SLC24A2: variants seen among roughly 807,000 people sequenced by gnomAD.
SLC24A2 encodes sodium/potassium/calcium exchanger 2.
SLC24A2 carries 36 observed loss-of-function variants against 62.0 expected under a neutral mutation model. That is an observed-to-expected ratio of 0.58 (90% CI 0.44 to 0.77). SLC24A2 has a LOEUF of 0.77. Among genes scored for constraint, SLC24A2 ranks in the 30% least tolerant of loss-of-function variants. The pLI, the probability that SLC24A2 is intolerant of heterozygous loss-of-function variation, is 0.00. For synonymous variants in SLC24A2, 358 were observed against 294.0 expected (o/e 1.22, Z -2.23); for missense variants, 846 against 817.9 (o/e 1.03, Z -0.42).
chr9:19,761,248 A>G (rs891662380), intron 2 of SLC24A2, among the ~76,000 whole-genome samples: 2 of 151,994 alleles, frequency 1.3e-5, no homozygotes, highest in Non-Finnish European at 2.9e-5. Flanking sequence ...ATCTTCTACA[A>G]TGGTTGAACT....
intron 2 of SLC24A2, among the ~76,000 whole-genome samples, chr9:19,694,904 G>GC (rs1337079182): frequency 5.3e-5 from 8 of 151,928 alleles, no homozygotes; most frequent in African/African-American, 1.9e-4. Flanking sequence ...GCTGTACTAG[G>GC]CCCCTCATCA....
the SLC24A2 span, among the ~76,000 whole-genome samples, chr9:19,846,883 A>C: frequency 8.0e-3 from 1,224 of 152,144 alleles, 25 homozygotes; most frequent in African/African-American, 0.028. Flanking sequence ...AAAATGAGGC[A>C]TGGTGGTGCA....
At chr9:20,102,771 C>A in the SLC24A2 span, among the ~76,000 whole-genome samples, 2 of 152,168 alleles carry the variant, frequency 1.3e-5, no homozygotes, top group East Asian at 3.9e-4. Flanking sequence ...ATGAGCGACA[C>A]AGAAGACGGG....
the SLC24A2 span, among the ~76,000 whole-genome samples, chr9:19,810,042 G>C: frequency 1.3e-5 from 2 of 152,128 alleles, no homozygotes; most frequent in East Asian, 3.9e-4. Flanking sequence ...GGGAAACTCC[G>C]ATCTAGCTCT....
the SLC24A2 span, among the ~76,000 whole-genome samples, chr9:20,132,835 T>C: frequency 1.3e-5 from 2 of 152,166 alleles, no homozygotes; most frequent in African/African-American, 4.8e-5. Flanking sequence ...TCAAAAAATA[T>C]AGCTTTTACT....
intron 2 of SLC24A2, among the ~76,000 whole-genome samples, chr9:19,784,817 T>C (rs914478257): frequency 4.6e-5 from 7 of 152,184 alleles, no homozygotes; most frequent in Non-Finnish European, 7.3e-5. Flanking sequence ...GAAATATTGC[T>C]AGTGTTTTAT....
chr9:19,707,082 C>A (rs569073486), intron 2 of SLC24A2, among the ~76,000 whole-genome samples: 1 of 151,650 alleles, frequency 6.6e-6, no homozygotes, highest in African/African-American at 2.4e-5. Flanking sequence ...ATATCACCAC[C>A]GATCCCACAG....
chr9:19,894,379 A>G, the SLC24A2 span, among the ~76,000 whole-genome samples: 4 of 152,286 alleles, frequency 2.6e-5, no homozygotes, highest in African/African-American at 9.6e-5. Context: ...TTGCTCCCCC[A>G]GCATTTTGAA....
the SLC24A2 span, among the ~76,000 whole-genome samples, chr9:20,298,525 G>A: frequency 3.1e-4 from 47 of 152,260 alleles, no homozygotes; most frequent in Non-Finnish European, 4.1e-4. Flanking sequence ...CACCGCACCC[G>A]GTCCAGAAAG....
intron 2 of SLC24A2, among the ~76,000 whole-genome samples, chr9:19,726,965 T>C (rs1587227113): frequency 6.6e-6 from 1 of 152,200 alleles, no homozygotes; most frequent in African/African-American, 2.4e-5. Context: ...ACATGTTAGA[T>C]CATCATACTG....
At chr9:20,117,532 G>C in the SLC24A2 span, among the ~76,000 whole-genome samples, 1 of 152,126 alleles carries the variant, frequency 6.6e-6, no homozygotes, top group East Asian at 1.9e-4. Flanking sequence ...CCTTTTTAAA[G>C]TGTCTAATAT....
the SLC24A2 span, among the ~76,000 whole-genome samples, chr9:19,890,738 T>C: frequency 1.3e-5 from 2 of 152,148 alleles, no homozygotes; most frequent in Non-Finnish European, 2.9e-5. Flanking sequence ...CTTGAATTCC[T>C]GGACTCAAGC....
chr9:20,164,253 C>T, the SLC24A2 span, among the ~76,000 whole-genome samples: 1 of 151,724 alleles, frequency 6.6e-6, no homozygotes, highest in Non-Finnish European at 1.5e-5. Flanking sequence ...GGCTAATATC[C>T]AGAATCTACA....
intron 2 of SLC24A2, among the ~76,000 whole-genome samples, chr9:19,667,401 C>T (rs1349491733): frequency 6.6e-6 from 1 of 152,138 alleles, no homozygotes; most frequent in Non-Finnish European, 1.5e-5. Flanking sequence ...GATATTGTCC[C>T]GAACACTTTC....
chr9:20,119,883 C>G, the SLC24A2 span, among the ~76,000 whole-genome samples: 2 of 152,140 alleles, frequency 1.3e-5, no homozygotes, highest in Admixed American at 1.3e-4. Flanking sequence ...CTTTATATTG[C>G]TGCTGTGACA....
chr9:19,984,689 G>A, the SLC24A2 span, among the ~76,000 whole-genome samples: 1 of 151,740 alleles, frequency 6.6e-6, no homozygotes, highest in Admixed American at 6.5e-5. Flanking sequence ...CTGGGCAATG[G>A]AGTGAGGCTC....
At chr9:19,527,429 A>G (rs1476842538) in intron 9 of SLC24A2, among the ~76,000 whole-genome samples, 1 of 152,196 alleles carries the variant, frequency 6.6e-6, no homozygotes, top group Non-Finnish European at 1.5e-5. Flanking sequence ...AGACAAAGGG[A>G]TGTGAATTGT....
At chr9:19,818,715 A>G in the SLC24A2 span, among the ~76,000 whole-genome samples, 2 of 152,142 alleles carry the variant, frequency 1.3e-5, no homozygotes, top group African/African-American at 4.8e-5. Context: ...AACAAATGGA[A>G]ACACATCCCA....
At chr9:19,749,405 A>C (rs181846204) in intron 2 of SLC24A2, among the ~76,000 whole-genome samples, 1 of 152,228 alleles carries the variant, frequency 6.6e-6, no homozygotes, top group Non-Finnish European at 1.5e-5. Context: ...AGACCACCAG[A>C]GATTAAAAAG....
Sources: allele counts gnomAD v4.1 joint callset (sites outside exome capture counted in the v4.1 genomes callset), GRCh38; gene constraint gnomAD v4.1.1; transcripts MANE v1.5; gene names NCBI Gene and HGNC (gene_info 2026-07-23, HGNC 2026-07-21).